Variants in TBC1D8 observed in about 807,000 individuals in gnomAD.
TBC1D8 encodes TBC1 domain family member 8.
In TBC1D8, 65 loss-of-function variants were observed where a neutral mutation model predicts 118.8. The observed-to-expected ratio is 0.55, with a 90% CI of 0.45 to 0.67. The LOEUF is 0.67. Ranked by LOEUF, TBC1D8 falls within the 30% of genes least tolerant of loss-of-function variation. The pLI is 0.00. For synonymous variants in TBC1D8, 566 were observed against 595.8 expected (o/e 0.95, Z 0.73); for missense variants, 1,376 against 1,471.2 (o/e 0.94, Z 1.06).
intron 3 of TBC1D8, among the ~76,000 whole-genome samples, chr2:101,059,071 AT>A (rs1392204791): frequency 2.0e-5 from 3 of 151,512 alleles, no homozygotes; most frequent in Non-Finnish European, 4.4e-5. Context: ...TGCCCAGCTA[AT>A]TTTTTTTGTA....
intron 15 of TBC1D8, among the ~76,000 whole-genome samples, chr2:101,024,232 T>C (rs921576700): frequency 2.6e-5 from 4 of 152,062 alleles, no homozygotes; most frequent in Non-Finnish European, 2.9e-5. Flanking sequence ...AACTAGCCAA[T>C]AAACATGAAC....
chr2:101,118,162 CCCTAGGTCCTA>C (rs1677916881), intron 1 of TBC1D8, among the ~76,000 whole-genome samples: 1 of 152,124 alleles, frequency 6.6e-6, no homozygotes, highest in Non-Finnish European at 1.5e-5. Flanking sequence ...CCGCCATGTA[CCCTAGGTCCTA>C]CCTCCAGAGC....
At chr2:101,077,266 A>G (rs1674899036) in intron 2 of TBC1D8, among the ~76,000 whole-genome samples, 1 of 125,038 alleles carries the variant, frequency 8.0e-6, no homozygotes, top group Non-Finnish European at 1.6e-5. Context: ...CTCGTGATCG[A>G]CCCACCTCGG....
intron 5 of TBC1D8, among the ~76,000 whole-genome samples, chr2:101,049,110 G>A (rs35570836): frequency 0.34 from 51,305 of 151,996 alleles, 8,880 homozygotes; most frequent in Admixed American, 0.4. Flanking sequence ...ATTCTTTAGC[G>A]TATATACCCA....
At chr2:101,093,802 C>G (rs556620344) in intron 1 of TBC1D8, among the ~76,000 whole-genome samples, 2 of 152,140 alleles carry the variant, frequency 1.3e-5, no homozygotes, top group South Asian at 4.2e-4. Flanking sequence ...CTCCGCCTCC[C>G]AGGTTCAAGC....
intron 1 of TBC1D8, among the ~76,000 whole-genome samples, chr2:101,105,531 G>A (rs570408777): frequency 6.7e-6 from 1 of 150,042 alleles, no homozygotes; most frequent in African/African-American, 2.5e-5. Flanking sequence ...AGAGGTTGCA[G>A]TGAGCTAAGA....
chr2:101,123,223 C>T (rs532772247), intron 1 of TBC1D8, among the ~76,000 whole-genome samples: 1 of 152,108 alleles, frequency 6.6e-6, no homozygotes, highest in South Asian at 2.1e-4. Context: ...CAACAGTCAT[C>T]GTGACCAGCC....
intron 18 of TBC1D8, 45 bp downstream of exon 18, chr2:101,011,406 T>C (rs1679200700): frequency 6.3e-7 from 1 of 1,598,280 alleles, no homozygotes; most frequent in Admixed American, 1.7e-5. Flanking sequence ...CTCCCGCCAC[T>C]GCAGTGGTAT....
rs113207101 is a variant in TBC1D8 at position 101,055,147 on chromosome 2, T to C, written c.403-811A>G. 2.3e-3 allele frequency among the ~76,000 whole-genome samples: 349 copies of C among 151,142 alleles called. 3 individuals carry two copies. Among genetic ancestry groups the C allele is most frequent in the African/African-American group, 8.0e-3 (332 of 41,254 alleles). On this transcript the variant is annotated intron_variant, in intron 3 of 19. Transcript: ENST00000409318. ...GTTCACACCTGTAATCCCAGCACTTTGGGAGACGGAGGTGGGCAGATCACT... is the reference window on the plus strand; with the variant it reads ...GTTCACACCTGTAATCCCAGCACTTCGGGAGACGGAGGTGGGCAGATCACT...
At chr2:101,023,013 T>C (rs1175645914) in intron 15 of TBC1D8, among the ~76,000 whole-genome samples, 1 of 151,748 alleles carries the variant, frequency 6.6e-6, no homozygotes, top group African/African-American at 2.4e-5. Context: ...GGTGTAGCGG[T>C]GTGCACCTGT....
chr2:101,011,720 T>C (rs1679229019), intron 17 of TBC1D8, among the ~76,000 whole-genome samples, 180 bp from the exon 18 acceptor site: 1 of 152,024 alleles, frequency 6.6e-6, no homozygotes, highest in African/African-American at 2.4e-5. Flanking sequence ...CCAGAGAAAA[T>C]AAAATGTCCC....
intron 2 of TBC1D8, among the ~76,000 whole-genome samples, chr2:101,085,993 T>A (rs889111374): frequency 2.6e-5 from 4 of 151,846 alleles, no homozygotes. Flanking sequence ...TACAAAAAAA[T>A]TAGCTGGGCG....
At chr2:101,110,872 G>C (rs1288133786) in intron 1 of TBC1D8, among the ~76,000 whole-genome samples, 1 of 151,614 alleles carries the variant, frequency 6.6e-6, no homozygotes, top group African/African-American at 2.4e-5. Flanking sequence ...TACTTGGGAA[G>C]CTGAGGCTGG....
chr2:101,053,089 T>A (rs1186613630), intron 4 of TBC1D8, among the ~76,000 whole-genome samples: 1 of 152,178 alleles, frequency 6.6e-6, no homozygotes, highest in Non-Finnish European at 1.5e-5. Context: ...AGCATAAAAA[T>A]GCAAATACAG....
At chr2:101,032,805 C>G (rs1326244603) in intron 10 of TBC1D8, 1 of 166,008 alleles carries the variant, frequency 6.0e-6, no homozygotes, top group Admixed American at 5.7e-5. Flanking sequence ...CTTCATTAAT[C>G]CCGGCTTGTG....
intron 1 of TBC1D8, among the ~76,000 whole-genome samples, chr2:101,104,979 C>G (rs141675186): frequency 2.6e-5 from 3 of 115,998 alleles, no homozygotes. Context: ...GAGCCGAGAT[C>G]ACACCATTGC....
chr2:101,034,236 G>A (rs888322027), intron 9 of TBC1D8, among the ~76,000 whole-genome samples: 1 of 152,154 alleles, frequency 6.6e-6, no homozygotes, highest in African/African-American at 2.4e-5. Flanking sequence ...ACCTTATAGA[G>A]CGAAGGGGAG....
chr2:101,147,082 G>T (rs1473044123), intron 1 of TBC1D8, among the ~76,000 whole-genome samples: 1 of 151,628 alleles, frequency 6.6e-6, no homozygotes, highest in African/African-American at 2.4e-5. Context: ...AGAGGCCGAG[G>T]CCGAGGCCGA....
chr2:101,100,101 T>C (rs1318732485), intron 1 of TBC1D8, among the ~76,000 whole-genome samples: 1 of 152,192 alleles, frequency 6.6e-6, no homozygotes, highest in Non-Finnish European at 1.5e-5. Flanking sequence ...CAATTTTATA[T>C]TTAGAAAACC....
Sources: gnomAD v4.1 joint callset for allele counts (sites outside exome capture counted in the v4.1 genomes callset) on GRCh38, gnomAD v4.1.1 for gene constraint, MANE v1.5 for transcripts, NCBI Gene and HGNC (gene_info 2026-07-23, HGNC 2026-07-21) for gene names.